The following CALN1 variants were observed in gnomAD, a reference collection of about 807,000 sequenced individuals.
CALN1 encodes calcium-binding protein 8.
A neutral mutation model predicts 30.6 loss-of-function variants in CALN1; 17 were observed. That is an observed-to-expected ratio of 0.56 (90% CI 0.38 to 0.83). The LOEUF is 0.83. Among genes scored for constraint, CALN1 ranks in the 40% least tolerant of loss-of-function variants. CALN1 has a pLI of 0.00. For synonymous variants in CALN1, 156 were observed against 131.4 expected (o/e 1.19, Z -1.28); for missense variants, 291 against 354.9 (o/e 0.82, Z 1.45).
chr7:71,794,948 G>A (rs998980930), intron 6 of CALN1, among the ~76,000 whole-genome samples: 2 of 152,204 alleles, frequency 1.3e-5, no homozygotes, highest in African/African-American at 2.4e-5. Flanking sequence ...GGCCACTTCT[G>A]TTCCAGCCAA....
At chr7:72,054,490 T>C (rs113642095) in intron 4 of CALN1, among the ~76,000 whole-genome samples, 23,726 of 84,984 alleles carry the variant, frequency 0.28, 3,548 homozygotes, top group East Asian at 0.64. Context: ...CATATATATA[T>C]ACATATATAC....
chr7:71,942,989 G>A (rs759924199), intron 5 of CALN1, among the ~76,000 whole-genome samples: 2 of 152,040 alleles, frequency 1.3e-5, no homozygotes, highest in African/African-American at 2.4e-5. Context: ...CCAATCTTCC[G>A]CCTTTGATTC....
intron 5 of CALN1, among the ~76,000 whole-genome samples, chr7:71,846,437 A>AGGCACC (rs1368836238): frequency 6.6e-6 from 1 of 152,126 alleles, no homozygotes; most frequent in African/African-American, 2.4e-5. Flanking sequence ...TGAGCAGGAA[A>AGGCACC]GGCACCAAAC....
At chr7:72,503,796 C>G in the CALN1 span, among the ~76,000 whole-genome samples, 1 of 151,482 alleles carries the variant, frequency 6.6e-6, no homozygotes, top group African/African-American at 2.4e-5. Context: ...CCTCTGTTTG[C>G]TACCGAGATC....
chr7:72,120,720 A>C (rs4717627), intron 3 of CALN1, among the ~76,000 whole-genome samples: 61,452 of 151,944 alleles, frequency 0.4, 13,966 homozygotes, highest in East Asian at 0.96. Context: ...TCATCCAACT[A>C]TCTCTTAGGT....
intron 2 of CALN1, among the ~76,000 whole-genome samples, chr7:72,389,886 C>A (rs1805466785): frequency 6.7e-6 from 1 of 150,342 alleles, no homozygotes; most frequent in Non-Finnish European, 1.5e-5. Flanking sequence ...GCCATTGCAG[C>A]CACTGCACTC....
intron 3 of CALN1, among the ~76,000 whole-genome samples, chr7:72,227,003 T>A (rs1044468275): frequency 6.6e-6 from 1 of 152,050 alleles, no homozygotes. Context: ...ACCACTGCAC[T>A]CCAGCCTGGG....
chr7:72,326,540 G>C lies in CALN1; in HGVS notation c.120-47730C>G, dbSNP rs1406104964. Among the ~76,000 whole-genome samples, 4 of 152,320 alleles carry C rather than the reference G, an allele frequency of 2.6e-5. No individual in the cohort carries two copies. The East Asian group carries it at 5.8e-4, about 22-fold the overall frequency. ...TAAAAAGCAGAGCAACTGGTTTTCC[G>C]AACCAGCAGTAGGAATGCTGGAGGC... On this transcript the variant is annotated intron_variant, in intron 2 of 6. Coordinates refer to ENST00000395275, the MANE Select transcript of CALN1 (RefSeq NM_031468.4).
At chr7:72,445,708 T>C (rs1170137753) in intron 1 of CALN1, among the ~76,000 whole-genome samples, 1 of 152,166 alleles carries the variant, frequency 6.6e-6, no homozygotes, top group Non-Finnish European at 1.5e-5. Context: ...TCATACAAAA[T>C]GCATTGCACC....
chr7:72,396,497 G>A (rs115591581), intron 2 of CALN1, among the ~76,000 whole-genome samples: 3,008 of 151,730 alleles, frequency 0.02, 105 homozygotes, highest in African/African-American at 0.068. Flanking sequence ...GAAGAAAGAA[G>A]ACACTGGTGA....
intron 3 of CALN1, among the ~76,000 whole-genome samples, chr7:72,272,372 G>A (rs561609376): frequency 1.3e-5 from 2 of 152,204 alleles, no homozygotes; most frequent in East Asian, 3.9e-4. Flanking sequence ...GACCAACCTG[G>A]CCAACATGGC....
At chr7:72,503,627 T>G in the CALN1 span, among the ~76,000 whole-genome samples, 1 of 152,208 alleles carries the variant, frequency 6.6e-6, no homozygotes, top group African/African-American at 2.4e-5. Context: ...TCCCAAATTT[T>G]GGTTTCTAGC....
intron 2 of CALN1, among the ~76,000 whole-genome samples, chr7:72,289,967 A>G (rs900537190): frequency 1.3e-5 from 2 of 151,592 alleles, no homozygotes; most frequent in Admixed American, 6.6e-5. Flanking sequence ...AGTCTTAGCT[A>G]CTCAGGAGGC....
At chr7:71,791,650 G>A (rs1438478634) in intron 6 of CALN1, among the ~76,000 whole-genome samples, 1 of 152,144 alleles carries the variant, frequency 6.6e-6, no homozygotes, top group Non-Finnish European at 1.5e-5. Context: ...ACAAACGCCT[G>A]TGACACGAGT....
At chr7:72,084,386 ATT>A (rs35476098) in intron 4 of CALN1, among the ~76,000 whole-genome samples, 4,001 of 142,604 alleles carry the variant, frequency 0.028, 111 homozygotes, top group African/African-American at 0.075. Flanking sequence ...ATGTAGTAAA[ATT>A]TTTTTTTTTT....
intron 1 of CALN1, among the ~76,000 whole-genome samples, chr7:72,408,087 T>A (rs573616880): frequency 2.0e-5 from 3 of 151,988 alleles, no homozygotes; most frequent in African/African-American, 7.2e-5. Context: ...AAACATATAT[T>A]GAACACACAT....
At chr7:72,450,356 G>A (rs895154815), upstream of CALN1, among the ~76,000 whole-genome samples, 9 of 152,134 alleles carry the variant, frequency 5.9e-5, no homozygotes, top group African/African-American at 1.9e-4. Context: ...AGTGGGGGAT[G>A]TACACCTGGC....
At chr7:72,290,617 G>T (rs1798411886) in intron 2 of CALN1, among the ~76,000 whole-genome samples, 1 of 152,096 alleles carries the variant, frequency 6.6e-6, no homozygotes, top group African/African-American at 2.4e-5. Context: ...GTGGTTACTG[G>T]TTCTTGAACT....
chr7:72,459,156 A>G, the CALN1 span, among the ~76,000 whole-genome samples: 2 of 151,932 alleles, frequency 1.3e-5, no homozygotes, highest in Non-Finnish European at 2.9e-5. Context: ...CACCTGCCTC[A>G]GCCTCCCAAA....
Sources: gnomAD v4.1 joint callset for allele counts (sites outside exome capture counted in the v4.1 genomes callset) on GRCh38, gnomAD v4.1.1 for gene constraint, MANE v1.5 for transcripts, NCBI Gene and HGNC (gene_info 2026-07-23, HGNC 2026-07-21) for gene names.